AKAP19: variants seen among roughly 807,000 people sequenced by gnomAD.
The protein encoded by AKAP19 is small A-kinase anchoring protein.
the AKAP19 span, among the ~76,000 whole-genome samples, chr2:189,976,443 C>T: frequency 6.6e-6 from 1 of 152,238 alleles, no homozygotes; most frequent in African/African-American, 2.4e-5. Flanking sequence ...CTTGAGGAGG[C>T]AGTCTGACCA....
At chr2:189,902,520 AT>A in the AKAP19 span, among the ~76,000 whole-genome samples, 1 of 152,020 alleles carries the variant, frequency 6.6e-6, no homozygotes, top group South Asian at 2.1e-4. Context: ...AAGCTGCATA[AT>A]TAGAAATTTC....
the AKAP19 span, among the ~76,000 whole-genome samples, chr2:189,951,713 G>T: frequency 2.0e-5 from 3 of 152,144 alleles, no homozygotes; most frequent in African/African-American, 7.2e-5. Context: ...GAATCATTTA[G>T]CTCATCTTCG....
At chr2:190,087,558 G>A in the AKAP19 span, among the ~76,000 whole-genome samples, 28 of 152,282 alleles carry the variant, frequency 1.8e-4, no homozygotes, top group East Asian at 4.2e-3. Context: ...TGAGAGGCCC[G>A]TCCTAAAACT....
chr2:190,121,968 G>T, the AKAP19 span, among the ~76,000 whole-genome samples: 30 of 152,194 alleles, frequency 2.0e-4, no homozygotes, highest in African/African-American at 7.2e-4. Flanking sequence ...GGGGGAATTT[G>T]TGAGTTTTAA....
chr2:190,190,175 T>C, the AKAP19 span, among the ~76,000 whole-genome samples: 12 of 152,198 alleles, frequency 7.9e-5, no homozygotes, highest in Admixed American at 1.3e-4. Flanking sequence ...AATTAAGATA[T>C]AGAATTTTTT....
At chr2:190,053,757 T>C in the AKAP19 span, among the ~76,000 whole-genome samples, 6 of 152,246 alleles carry the variant, frequency 3.9e-5, no homozygotes, top group African/African-American at 1.4e-4. Context: ...TTTTATCATA[T>C]TATAGTTTAA....
the AKAP19 span, among the ~76,000 whole-genome samples, chr2:190,069,175 T>TGTGTGTGTGTGTGTGTGAGA: frequency 6.0e-4 from 74 of 123,524 alleles, no homozygotes; most frequent in Middle Eastern, 4.0e-3. Flanking sequence ...TGTGTGTGTG[T>TGTGTGTGTGTGTGTGTGAGA]GAGAGAGAGA....
the AKAP19 span, among the ~76,000 whole-genome samples, chr2:190,195,180 G>A: frequency 6.6e-6 from 1 of 152,060 alleles, no homozygotes; most frequent in Non-Finnish European, 1.5e-5. Context: ...TTTTAATGCT[G>A]AATATGTTCC....
the AKAP19 span, among the ~76,000 whole-genome samples, chr2:189,896,225 T>C: frequency 1.3e-5 from 2 of 152,178 alleles, no homozygotes; most frequent in Non-Finnish European, 2.9e-5. Context: ...TTTCTAGTTC[T>C]GATACTTGCC....
At chr2:190,197,283 T>G in the AKAP19 span, among the ~76,000 whole-genome samples, 2 of 152,190 alleles carry the variant, frequency 1.3e-5, no homozygotes, top group Non-Finnish European at 2.9e-5. The surrounding 1 kb of genome is among the most constrained non-coding windows in gnomAD (Gnocchi z 4.0). Flanking sequence ...AGGTGTCGCA[T>G]TTCTTGAGTA....
the AKAP19 span, among the ~76,000 whole-genome samples, chr2:190,049,969 C>T: frequency 6.6e-6 from 1 of 152,078 alleles, no homozygotes; most frequent in Non-Finnish European, 1.5e-5. Context: ...TAAATGTTTG[C>T]ATTTTGGGGG....
chr2:190,166,331 T>TTTC, the AKAP19 span, among the ~76,000 whole-genome samples: 1 of 142,750 alleles, frequency 7.0e-6, no homozygotes, highest in Non-Finnish European at 1.5e-5. Context: ...TTTTTTTTTT[T>TTTC]TTTTTTTTTT....
chr2:189,895,366 C>T, the AKAP19 span, among the ~76,000 whole-genome samples: 1 of 152,136 alleles, frequency 6.6e-6, no homozygotes, highest in African/African-American at 2.4e-5. Flanking sequence ...TACCCTAGCA[C>T]TTGTGTTGAC....
At chr2:190,106,193 T>A in the AKAP19 span, among the ~76,000 whole-genome samples, 1 of 152,220 alleles carries the variant, frequency 6.6e-6, no homozygotes, top group African/African-American at 2.4e-5. Flanking sequence ...TTAACCGTAT[T>A]TTTGTGCTTA....
chr2:190,179,455 T>C, the AKAP19 span, among the ~76,000 whole-genome samples: 2 of 152,018 alleles, frequency 1.3e-5, no homozygotes, highest in Non-Finnish European at 2.9e-5. This position sits in a 1 kb window ranked among gnomAD's most constrained non-coding sequence, Gnocchi z 6.0. Context: ...TCAATTAATA[T>C]AGGTATACTT....
At chr2:190,031,845 C>G in the AKAP19 span, among the ~76,000 whole-genome samples, 2 of 152,074 alleles carry the variant, frequency 1.3e-5, no homozygotes, top group Non-Finnish European at 1.5e-5. Flanking sequence ...AATGCTGGGT[C>G]AGTTTTTTAA....
the AKAP19 span, among the ~76,000 whole-genome samples, chr2:189,967,749 T>C: frequency 0.93 from 141,005 of 152,034 alleles, 65,408 homozygotes; most frequent in Admixed American, 0.96. Flanking sequence ...AGGTGTTCAA[T>C]GGTATAGTGC....
At chr2:190,119,967 T>C in the AKAP19 span, among the ~76,000 whole-genome samples, 1 of 152,170 alleles carries the variant, frequency 6.6e-6, no homozygotes, top group Non-Finnish European at 1.5e-5. Flanking sequence ...AGAGGAACTT[T>C]GTAAAGGCAG....
At chr2:190,053,925 T>C in the AKAP19 span, among the ~76,000 whole-genome samples, 1 of 152,138 alleles carries the variant, frequency 6.6e-6, no homozygotes. Flanking sequence ...TATAACTAAG[T>C]TACTAAACTG....
Sources: gnomAD v4.1 joint callset for allele counts (sites outside exome capture counted in the v4.1 genomes callset) on GRCh38, gnomAD v4.1.1 for gene constraint, Gnocchi (gnomAD v3.1) non-coding constraint, MANE v1.5 for transcripts, NCBI Gene and HGNC (gene_info 2026-07-23, HGNC 2026-07-21) for gene names.